Variants in ATIC observed in about 807,000 individuals in gnomAD.
ATIC encodes the protein bifunctional purine biosynthesis protein ATIC.
In ATIC, 64 loss-of-function variants were observed where a neutral mutation model predicts 72.5. That is an observed-to-expected ratio of 0.88 (90% CI 0.72 to 1.09). The LOEUF is 1.09. Ranked by LOEUF, ATIC falls within the 50% of genes least tolerant of loss-of-function variation. ATIC has a pLI of 0.00. For missense variants in ATIC, 787 were observed against 732.4 expected (o/e 1.07, Z -0.86); for synonymous variants, 281 against 267.1 (o/e 1.05, Z -0.51).
intron 2 of ATIC, among the ~76,000 whole-genome samples, chr2:215,312,865 G>T (rs2052669681): frequency 6.6e-6 from 1 of 152,138 alleles, no homozygotes; most frequent in Admixed American, 6.6e-5. Context: ...TTGGGAGGCC[G>T]AGGTGGGCTG....
intron 2 of ATIC, among the ~76,000 whole-genome samples, chr2:215,317,389 T>A (rs2052721314): frequency 6.6e-6 from 1 of 152,242 alleles, no homozygotes; most frequent in African/African-American, 2.4e-5. Flanking sequence ...ATAAGGAATA[T>A]ATTTTTGTTT....
rs2106048801 is a variant in ATIC, at chr2:215,349,538, T to G, written c.1662T>G (p.Ser554Arg). The G allele has an allele frequency of 6.2e-7, 1 of 1,613,964 alleles. No individual in the cohort carries two copies. The highest frequency in any genetic ancestry group is 2.2e-5 in the East Asian group (1 of 44,866). The change falls in exon 16 of 16, where the codon AGT (serine) becomes AGG (arginine). Residue 554 changes from serine (S) to arginine (R), a missense_variant and splice_region_variant. Coordinates refer to ENST00000236959, the MANE Select transcript of ATIC (RefSeq NM_004044.7). ...GAAAATCAATATACTTCCCCCAGAG[T>G]GGTGTGGCGTACATTGCGGCTCCCT... ...FRDNVDRAKRSGVAYIAAPSG... is the reference protein window; with the variant it reads ...FRDNVDRAKRRGVAYIAAPSG...
the ATIC span, among the ~76,000 whole-genome samples, chr2:215,367,502 A>C: frequency 2.6e-4 from 40 of 152,324 alleles, no homozygotes; most frequent in African/African-American, 7.2e-4. Flanking sequence ...TTCAACACTG[A>C]AGATTAAAAG....
At chr2:215,331,884 G>GA (rs2052898604) in intron 7 of ATIC, among the ~76,000 whole-genome samples, 2 of 152,098 alleles carry the variant, frequency 1.3e-5, no homozygotes, top group Admixed American at 1.3e-4. Flanking sequence ...AAAGAAGAAA[G>GA]AAAAAACACA....
intron 11 of ATIC, 105 bp from the exon 12 acceptor site, chr2:215,338,674 C>T: frequency 1.7e-6 from 2 of 1,183,964 alleles, no homozygotes; most frequent in Non-Finnish European, 2.4e-6. Flanking sequence ...AAATTAGAAA[C>T]ATGCATATAA....
At chr2:215,359,332 C>T in the ATIC span, among the ~76,000 whole-genome samples, 1 of 152,194 alleles carries the variant, frequency 6.6e-6, no homozygotes, top group Non-Finnish European at 1.5e-5. Context: ...CCTGCTTTAC[C>T]AGCTCACCTA....
chr2:215,349,421 T>C (rs1197236944), intron 15 of ATIC, 115 bp from the exon 16 acceptor site: 11 of 1,584,670 alleles, frequency 6.9e-6, no homozygotes, highest in Non-Finnish European at 7.7e-6. Flanking sequence ...CCTGTTGTTA[T>C]TTTGCCTTTT....
intron 2 of ATIC, among the ~76,000 whole-genome samples, chr2:215,316,908 A>G (rs1455391901): frequency 6.6e-6 from 1 of 151,940 alleles, no homozygotes; most frequent in Non-Finnish European, 1.5e-5. Flanking sequence ...GATTATAGGC[A>G]TGCCCCACCA....
intron 4 of ATIC, among the ~76,000 whole-genome samples, chr2:215,322,082 TAATAGAGATAGGGTTTC>T (rs368843746): frequency 0.015 from 2,239 of 151,928 alleles, 49 homozygotes; most frequent in African/African-American, 0.051. Flanking sequence ...TTTGGATTTT[TAATAGAGATAGGGTTTC>T]ACTATGTTGG....
At chr2:215,340,111 A>C (rs1246664745) in intron 12 of ATIC, among the ~76,000 whole-genome samples, 1 of 152,128 alleles carries the variant, frequency 6.6e-6, no homozygotes, top group East Asian at 1.9e-4. Context: ...TTACATTTTC[A>C]GTGCTATGAT....
At chr2:215,318,271 G>A (rs1158081257) in intron 3 of ATIC, 38 bp downstream of exon 3, 2 of 1,567,012 alleles carry the variant, frequency 1.3e-6, no homozygotes, top group African/African-American at 2.7e-5. Flanking sequence ...AACAGTCAGT[G>A]GTTTCCAGGA....
intron 4 of ATIC, among the ~76,000 whole-genome samples, 199 bp downstream of exon 4, chr2:215,319,930 T>TC (rs2052750017): frequency 6.6e-6 from 1 of 152,208 alleles, no homozygotes; most frequent in Non-Finnish European, 1.5e-5. Context: ...GAAGTTACAA[T>TC]CTAAATCTTA....
chr2:215,335,983 G>C, intron 10 of ATIC, 52 bp from the exon 11 acceptor site: 1 of 1,397,346 alleles, frequency 7.2e-7, no homozygotes, highest in Non-Finnish European at 1.0e-6. Context: ...ATTTTTTTAA[G>C]AGGTGTTCTC....
chr2:215,349,292 T>G (rs562451757), intron 15 of ATIC, 43 bp downstream of exon 15: 5 of 1,612,472 alleles, frequency 3.1e-6, no homozygotes, highest in Admixed American at 1.7e-5. Flanking sequence ...TTGAGCATTA[T>G]GTAGAAACTG....
At chr2:215,362,707 G>A in the ATIC span, 4 of 154,500 alleles carry the variant, frequency 2.6e-5, no homozygotes, top group African/African-American at 9.6e-5. Flanking sequence ...ACGGGACCAA[G>A]CTGAGCCAGT....
chr2:215,331,192 C>T (rs781642968), intron 7 of ATIC, among the ~76,000 whole-genome samples: 13 of 152,070 alleles, frequency 8.5e-5, no homozygotes, highest in Non-Finnish European at 1.5e-4. Context: ...TTTGCCTCCC[C>T]AGTAAGCTCC....
At chr2:215,344,684 A>G in intron 12 of ATIC, 95 bp from the exon 13 acceptor site, 1 of 1,280,362 alleles carries the variant, frequency 7.8e-7, no homozygotes, top group Non-Finnish European at 1.1e-6. Context: ...ACTCTGACTC[A>G]AAAAAACCAC....
At chr2:215,312,422 C>T (rs2105984620) in intron 1 of ATIC, 76 bp from the exon 2 acceptor site, 1 of 1,611,378 alleles carries the variant, frequency 6.2e-7, no homozygotes, top group East Asian at 2.2e-5. Flanking sequence ...AATCTCCTCC[C>T]CCAGACCCTC....
At chr2:215,340,872 T>C (rs1322447232) in intron 12 of ATIC, among the ~76,000 whole-genome samples, 2 of 152,232 alleles carry the variant, frequency 1.3e-5, no homozygotes, top group African/African-American at 4.8e-5. Context: ...GCATAGACTG[T>C]CAGGCCCATT....
Sources: allele counts gnomAD v4.1 joint callset (sites outside exome capture counted in the v4.1 genomes callset), GRCh38; gene constraint gnomAD v4.1.1; transcripts MANE v1.5; gene names NCBI Gene and HGNC (gene_info 2026-07-23, HGNC 2026-07-21).